MYO3A: variants seen among roughly 807,000 people sequenced by gnomAD.
MYO3A encodes the protein myosin-IIIa.
A neutral mutation model predicts 192.7 loss-of-function variants in MYO3A; 180 were observed. The observed-to-expected ratio is 0.93, with a 90% CI of 0.83 to 1.06. The LOEUF is 1.06. MYO3A is among the 50% of genes least tolerant of loss of function. The pLI, the probability that MYO3A is intolerant of heterozygous loss-of-function variation, is 0.00. For synonymous variants in MYO3A, 628 were observed against 645.3 expected (o/e 0.97, Z 0.41); for missense variants, 1,896 against 1,905.0 (o/e 1.00, Z 0.09).
At chr10:26,090,399 ATTATATTTAAGGCAT>A in intron 15 of MYO3A, among the ~76,000 whole-genome samples, 1 of 152,224 alleles carries the variant, frequency 6.6e-6, no homozygotes, top group Non-Finnish European at 1.5e-5. Context: ...CATAGTCAGG[ATTATATTTAAGGCAT>A]GCTGTGAATT....
chr10:26,178,951 G>C (rs1233830858), intron 31 of MYO3A, among the ~76,000 whole-genome samples: 1 of 148,938 alleles, frequency 6.7e-6, no homozygotes. Context: ...CCAGGCGCCA[G>C]CCACCACGCC....
chr10:25,998,268 C>T (rs920237260), intron 6 of MYO3A, among the ~76,000 whole-genome samples: 3 of 152,160 alleles, frequency 2.0e-5, no homozygotes, highest in African/African-American at 7.2e-5. Context: ...GAAACTAAAG[C>T]TCAGCAAGTT....
chr10:26,058,860 T>A (rs545875756), intron 10 of MYO3A, among the ~76,000 whole-genome samples: 3 of 152,190 alleles, frequency 2.0e-5, no homozygotes, highest in African/African-American at 7.2e-5. Context: ...TCCATTTACT[T>A]AGTTCTTGTT....
At chr10:26,048,652 G>A (rs1198525355) in intron 10 of MYO3A, among the ~76,000 whole-genome samples, 1 of 152,108 alleles carries the variant, frequency 6.6e-6, no homozygotes, top group Non-Finnish European at 1.5e-5. Context: ...ATGAATGATA[G>A]TGTAATTCTC....
chr10:26,146,831 G>A lies in MYO3A; in HGVS notation c.2506-599G>A, dbSNP rs187755069. The stretch of plus-strand genomic sequence containing the variant: ...TTGATCTTTAAAAAGTCGTAAAATT[G>A]GCTAGGCATGGTGGCTCACGCCTGT... On this transcript the variant is annotated intron_variant, in intron 22 of 34. Coordinates refer to ENST00000642920, the MANE Select transcript of MYO3A (RefSeq NM_017433.5). Among the ~76,000 whole-genome samples, 31 of 150,160 alleles carry A rather than the reference G, an allele frequency of 2.1e-4. 1 individual carries two copies. The highest frequency in any genetic ancestry group is 7.3e-4 in the African/African-American group (30 of 41,040).
chr10:26,002,456 C>T (rs559263995), intron 6 of MYO3A, among the ~76,000 whole-genome samples: 4 of 152,314 alleles, frequency 2.6e-5, no homozygotes, highest in South Asian at 2.1e-4. Context: ...GCTGCTGTGT[C>T]GTTCCCCTAT....
Position 26,211,402 on chromosome 10 carries a change from G to C in MYO3A, c.4731-441G>C, listed in dbSNP as rs570595281. Among the ~76,000 whole-genome samples, 5 of 152,198 alleles carry C rather than the reference G, an allele frequency of 3.3e-5. No homozygotes were observed. In the South Asian group the frequency reaches 1.0e-3, roughly 32 times the overall value. On this transcript the variant is annotated intron_variant, in intron 34 of 34. Transcript: ENST00000642920. Reference sequence around the variant, plus strand: ...CAGAGCAGTTGGTCAGATTTTGAGTGAGCATTTTTTAAAGAAACATCTGAG... The same window carrying C: ...CAGAGCAGTTGGTCAGATTTTGAGTCAGCATTTTTTAAAGAAACATCTGAG...
intron 4 of MYO3A, among the ~76,000 whole-genome samples, chr10:25,969,736 T>C (rs1209249346): frequency 6.6e-6 from 1 of 152,162 alleles, no homozygotes; most frequent in Non-Finnish European, 1.5e-5. Context: ...TTACATTAAG[T>C]GTATATGATT....
At chr10:26,151,021 A>C (rs140722149) in intron 23 of MYO3A, among the ~76,000 whole-genome samples, 5 of 152,154 alleles carry the variant, frequency 3.3e-5, no homozygotes, top group Admixed American at 3.3e-4. Flanking sequence ...ATTTAACTTC[A>C]TAGTGTTCAG....
At chr10:26,111,363 T>C (rs538581311) in intron 17 of MYO3A, among the ~76,000 whole-genome samples, 1 of 152,300 alleles carries the variant, frequency 6.6e-6, no homozygotes, top group East Asian at 1.9e-4. Context: ...GTCTCATTCT[T>C]ATGCTCTAAT....
chr10:26,176,834 AGTGCCTCTCAG>A lies in MYO3A; in HGVS notation c.4430_4438+2del. The A allele has an allele frequency of 6.2e-7, 1 of 1,614,198 alleles. No homozygotes were observed. Among genetic ancestry groups the A allele is most frequent in the African/African-American group, 1.3e-5 (1 of 75,066 alleles). On this transcript the variant is annotated frameshift_variant and splice_region_variant, in exon 31 of 35. Coordinates refer to ENST00000642920, the MANE Select transcript of MYO3A (RefSeq NM_017433.5). LOFTEE classifies it high-confidence loss of function. ...ATTAATAGACGAGTTTCTTCTCAGC[AGTGCCTCTCAG>A]GTAAAAATCAGTAGAGTTAGAACTT... is the stretch of plus-strand genomic sequence containing the variant.
intron 32 of MYO3A, among the ~76,000 whole-genome samples, chr10:26,195,709 C>A (rs1329690123): frequency 1.3e-5 from 2 of 152,230 alleles, no homozygotes; most frequent in African/African-American, 4.8e-5. Context: ...CTAAAACACA[C>A]ATCCTCTTCC....
chr10:26,128,425 G>C lies in MYO3A; in HGVS notation c.2149G>C (p.Asp717His). 1 of 1,613,054 alleles carries C rather than the reference G, an allele frequency of 6.2e-7. No individual in the cohort carries two copies. The highest frequency in any genetic ancestry group is 8.5e-7 in the Non-Finnish European group (1 of 1,179,306). ...TGATGAGCTGAGCATTGGCATTCTT[G>C]ATATATTTGGCTTTGAAAATTTCAA... ...NGDELSIGIL[D>H]IFGFENFKKN... The change falls in exon 20 of 35, where the codon GAT becomes CAT. Residue 717 changes from aspartate to histidine, a missense_variant. Coordinates refer to ENST00000642920, the MANE Select transcript of MYO3A (RefSeq NM_017433.5).
rs897458592 is a variant in MYO3A, at chr10:26,033,972, A to G, written c.953+7440A>G. Among the ~76,000 whole-genome samples the G allele has an allele frequency of 9.2e-5, 14 of 152,318 alleles. No individual in the cohort carries two copies. The South Asian group carries it at 1.0e-3, about 11-fold the overall frequency. On this transcript the variant is annotated intron_variant, in intron 10 of 34. Transcript: ENST00000642920. Reference sequence around the variant, plus strand: ...GAAATAGGTTTGGAGAGGTATACAGAGACCAGACCACTGAGAGCACTGAAA... The same window carrying G: ...GAAATAGGTTTGGAGAGGTATACAGGGACCAGACCACTGAGAGCACTGAAA...
chr10:26,062,566 G>A (rs12768754), intron 10 of MYO3A, among the ~76,000 whole-genome samples: 63,291 of 139,618 alleles, frequency 0.45, 16,569 homozygotes, highest in Middle Eastern at 0.58. Context: ...GTTGCAAATA[G>A]GTATAAGACA....
At chr10:26,103,306 A>G (rs1404154224) in intron 17 of MYO3A, among the ~76,000 whole-genome samples, 1 of 152,168 alleles carries the variant, frequency 6.6e-6, no homozygotes, top group Non-Finnish European at 1.5e-5. Context: ...CCTTGGCTTG[A>G]AAGGGAATTC....
At position 26,112,344 on chromosome 10, in the gene MYO3A, G is replaced by C. The variant is rs146824560; in HGVS notation, c.1777-8332G>C. Among the ~76,000 whole-genome samples, 154 of 152,280 alleles carry C rather than the reference G, an allele frequency of 1.0e-3. 1 individual carries two copies. The highest frequency in any genetic ancestry group is 3.7e-3 in the African/African-American group (152 of 41,558). ...TGTGGTGGCCTCCCATCTAACAGCAGAAACTGTCCCAGTTTGGATTTGGTA... is the reference window on the plus strand; with the variant it reads ...TGTGGTGGCCTCCCATCTAACAGCACAAACTGTCCCAGTTTGGATTTGGTA... On this transcript the variant is annotated intron_variant, in intron 17 of 34. Coordinates refer to ENST00000642920, the MANE Select transcript of MYO3A (RefSeq NM_017433.5).
chr10:26,075,780 G>A (rs929120702), intron 14 of MYO3A, among the ~76,000 whole-genome samples: 1 of 134,940 alleles, frequency 7.4e-6, no homozygotes, highest in Admixed American at 7.5e-5. Context: ...ATATATATAT[G>A]ATATATATGT....
chr10:26,167,541 A>G lies in MYO3A; in HGVS notation c.3112-1171A>G, dbSNP rs368568610. On this transcript the variant is annotated intron_variant, in intron 27 of 34. Transcript: ENST00000642920. The stretch of plus-strand genomic sequence containing the variant: ...AGGCCTTTTGCAGTTATAGTTCTGC[A>G]TGATATTTAAGTAGCATTTTAAAGC... 2.3e-4 allele frequency among the ~76,000 whole-genome samples: 35 copies of G among 152,346 alleles called. 1 individual carries two copies. In the South Asian group the frequency reaches 7.1e-3, roughly 31 times the overall value.
Sources: allele counts gnomAD v4.1 joint callset (sites outside exome capture counted in the v4.1 genomes callset), GRCh38; gene constraint gnomAD v4.1.1; transcripts MANE v1.5; gene names NCBI Gene and HGNC (gene_info 2026-07-23, HGNC 2026-07-21).